The following INSR variants were observed in gnomAD, a reference collection of about 807,000 sequenced individuals.
The protein encoded by INSR is IR.
A neutral mutation model predicts 142.6 loss-of-function variants in INSR; 67 were observed. The observed-to-expected ratio is 0.47, with a 90% CI of 0.39 to 0.58. INSR has a LOEUF of 0.58. INSR is among the 20% of genes least tolerant of loss of function. The pLI is 0.00. For synonymous variants in INSR, 756 were observed against 743.1 expected, an observed-to-expected ratio of 1.02 and a Z score of -0.28; for missense variants, 1,248 against 1,833.2, an observed-to-expected ratio of 0.68 and a Z score of 5.83.
intron 2 of INSR, among the ~76,000 whole-genome samples, chr19:7,261,564 TC>T (rs1977064465): frequency 9.4e-6 from 1 of 106,034 alleles, no homozygotes; most frequent in Non-Finnish European, 2.5e-5. Context: ...GGAGTTTCAC[TC>T]TGTCGGCCAG....
intron 2 of INSR, among the ~76,000 whole-genome samples, chr19:7,194,450 A>C (rs1233777709): frequency 6.6e-6 from 1 of 151,294 alleles, no homozygotes; most frequent in African/African-American, 2.4e-5. Flanking sequence ...TTGCCTTATT[A>C]CAAAATCAAT....
chr19:7,282,901 A>G (rs980575017), intron 1 of INSR, among the ~76,000 whole-genome samples: 2 of 152,062 alleles, frequency 1.3e-5, no homozygotes, highest in East Asian at 1.9e-4. Flanking sequence ...TGAACCCGGA[A>G]GGCGAAGCTT....
intron 9 of INSR, among the ~76,000 whole-genome samples, chr19:7,153,803 C>G (rs760839545): frequency 6.6e-6 from 1 of 152,062 alleles, no homozygotes; most frequent in African/African-American, 2.4e-5. Context: ...ATCACGTGAG[C>G]CCAGGAGTTC....
At chr19:7,123,076 A>G in intron 17 of INSR, 87 bp from the exon 18 acceptor site, 1 of 971,200 alleles carries the variant, frequency 1.0e-6, no homozygotes, top group Non-Finnish European at 1.6e-6. Flanking sequence ...TCTATGTCAC[A>G]CACAGCACCC....
At chr19:7,186,295 C>T (rs1053500182) in intron 2 of INSR, among the ~76,000 whole-genome samples, 2 of 152,082 alleles carry the variant, frequency 1.3e-5, no homozygotes, top group Non-Finnish European at 2.9e-5. Context: ...TGGATCCCAC[C>T]GGCCAAACTC....
chr19:7,232,741 C>T (rs868378888), intron 2 of INSR, among the ~76,000 whole-genome samples: 6 of 151,260 alleles, frequency 4.0e-5, no homozygotes, highest in South Asian at 2.1e-4. Flanking sequence ...ACCCGGGAGG[C>T]GGAGCTTGCA....
rs41507444 is a variant in INSR at position 7,117,040 on chromosome 19, G to T, written c.*16C>A. 11 of 1,478,074 alleles carry T rather than the reference G, an allele frequency of 7.4e-6. No homozygotes were observed. In the African/African-American group the frequency reaches 1.1e-4, roughly 15 times the overall value. The allele number at this position is 1,478,074 out of a possible 1,614,324, so 91.6% of individuals were successfully genotyped here. On this transcript the variant is annotated 3_prime_UTR_variant, in exon 22 of 22. Coordinates refer to ENST00000302850, the MANE Select transcript of INSR (RefSeq NM_000208.4). The stretch of plus-strand genomic sequence containing the variant: ...AAAATGGGAACCCCTGCCCGCCCCC[G>T]CCACGGTAGGCACTGTTAGGAAGGA...
In INSR at chr19:7,192,307, G is replaced by GAAAAGA. The variant is rs1555748612; in HGVS notation, c.653-7671_653-7670insTCTTTT. Reference sequence around the variant, plus strand: ...GAAAAGAAAAGAAAAGAAAAGAAAAGAAAAAAATCACAGGCAGCCCAGGCT... The same window carrying GAAAAGA: ...GAAAAGAAAAGAAAAGAAAAGAAAAGAAAAGAAAAAAAATCACAGGCAGCCCAGGCT... On this transcript the variant is annotated intron_variant, in intron 2 of 21. Transcript: ENST00000302850. The surrounding 1 kb of genome is among the most constrained non-coding windows in gnomAD (Gnocchi z 4.2). Among the ~76,000 whole-genome samples the GAAAAGA allele has an allele frequency of 1.6e-3, 205 of 128,274 alleles. 1 individual carries two copies. The highest frequency in any genetic ancestry group is 0.012 in the East Asian group (49 of 4,212). The allele number at this position is 128,274 out of a possible 152,430, so 84.2% of individuals were successfully genotyped here.
chr19:7,248,575 T>C (rs1336691445), intron 2 of INSR, among the ~76,000 whole-genome samples: 1 of 136,596 alleles, frequency 7.3e-6, no homozygotes, highest in East Asian at 2.0e-4. Flanking sequence ...TCAGAAAGAC[T>C]TTAAGGGACA....
chr19:7,260,421 G>T (rs543252188), intron 2 of INSR, among the ~76,000 whole-genome samples: 1 of 152,246 alleles, frequency 6.6e-6, no homozygotes, highest in Admixed American at 6.5e-5. Context: ...AAGCCCTGTG[G>T]CTTCTGGTCC....
At chr19:7,275,554 G>A (rs546673458) in intron 1 of INSR, among the ~76,000 whole-genome samples, 2 of 152,106 alleles carry the variant, frequency 1.3e-5, no homozygotes, top group Admixed American at 6.6e-5. Flanking sequence ...AGGCCAAGGC[G>A]GGTGGATGAC....
At chr19:7,254,293 G>T (rs1232235250) in intron 2 of INSR, among the ~76,000 whole-genome samples, 1 of 152,048 alleles carries the variant, frequency 6.6e-6, no homozygotes, top group Non-Finnish European at 1.5e-5. Context: ...AAGCGAGAGG[G>T]TCACTTGAGG....
intron 2 of INSR, among the ~76,000 whole-genome samples, chr19:7,187,428 A>G (rs1001736043): frequency 2.1e-4 from 32 of 152,080 alleles, no homozygotes; most frequent in African/African-American, 5.8e-4. Context: ...CAGGGCTCCA[A>G]TTTTTACCAA....
intron 10 of INSR, chr19:7,152,424 C>A: frequency 2.5e-6 from 1 of 399,282 alleles, no homozygotes; most frequent in African/African-American, 2.1e-5. Flanking sequence ...AAATGTTAAT[C>A]GTCTAACGGA....
At chr19:7,233,321 A>C (rs559969693) in intron 2 of INSR, among the ~76,000 whole-genome samples, 4 of 152,232 alleles carry the variant, frequency 2.6e-5, no homozygotes, top group African/African-American at 9.6e-5. Flanking sequence ...CCCATTTTAC[A>C]AAAGAGGAAA....
chr19:7,153,211 C>T, intron 9 of INSR, among the ~76,000 whole-genome samples: 1 of 64,320 alleles, frequency 1.6e-5, no homozygotes, highest in Non-Finnish European at 4.3e-5. Flanking sequence ...ACACACCACA[C>T]ACCACACACA....
At position 7,170,695 on chromosome 19, in the gene INSR, C is replaced by T. The variant is rs771828621; in HGVS notation, c.1325G>A (p.Ser442Asn). Residue 442 changes from serine (S) to asparagine (N), a missense_variant, in exon 6 of 22, where the codon AGC becomes AAC. Ser to Asn is a conservative substitution (Grantham distance 46). Coordinates refer to ENST00000302850, the MANE Select transcript of INSR (RefSeq NM_000208.4). ...NQNLRQLWDWSKHNLTITQGK... is the reference protein window; with the variant it reads ...NQNLRQLWDWNKHNLTITQGK... ...CTGAGTGATGGTGAGGTTGTGTTTG[C>T]TCCAGTCCCAGAGCTGCCTTAGGTT... 1.9e-6 allele frequency: 3 copies of T among 1,614,050 alleles called. No individual in the cohort carries two copies. The highest frequency in any genetic ancestry group is 2.5e-6 in the Non-Finnish European group (3 of 1,180,000).
At chr19:7,282,125 G>C (rs898815951) in intron 1 of INSR, among the ~76,000 whole-genome samples, 2 of 152,160 alleles carry the variant, frequency 1.3e-5, no homozygotes, top group Non-Finnish European at 2.9e-5. Flanking sequence ...AGCACTTTGG[G>C]AGGCCGAGGT....
intron 6 of INSR, among the ~76,000 whole-genome samples, chr19:7,169,600 A>G (rs777615608): frequency 6.9e-6 from 1 of 144,098 alleles, no homozygotes; most frequent in Non-Finnish European, 1.5e-5. Context: ...AAAAAAAAAG[A>G]AGCTCTTCCT....
Sources: gnomAD v4.1 joint callset for allele counts (sites outside exome capture counted in the v4.1 genomes callset) on GRCh38, gnomAD v4.1.1 for gene constraint, Gnocchi (gnomAD v3.1) non-coding constraint, MANE v1.5 for transcripts, NCBI Gene and HGNC (gene_info 2026-07-23, HGNC 2026-07-21) for gene names.